CFAP97: variants seen among roughly 807,000 people sequenced by gnomAD.
The protein encoded by CFAP97 is cilia and flagella associated protein 97.
In CFAP97, 36 loss-of-function variants were observed where a neutral mutation model predicts 43.1. The observed-to-expected ratio is 0.84, with a 90% CI of 0.64 to 1.10. The LOEUF (loss-of-function observed/expected upper bound fraction) is 1.10, where lower values mean the gene tolerates loss of function less well. CFAP97 is among the 50% of genes least tolerant of loss of function. CFAP97 has a pLI of 0.00. For missense variants in CFAP97, 657 were observed against 620.3 expected, an observed-to-expected ratio of 1.06 and a Z score of -0.63; for synonymous variants, 228 against 225.7, an observed-to-expected ratio of 1.01 and a Z score of -0.09.
intron 4 of CFAP97, among the ~76,000 whole-genome samples, chr4:185,163,228 A>T (rs1449912224): frequency 6.6e-6 from 1 of 152,168 alleles, no homozygotes. Context: ...CAAATAACTT[A>T]CTACATTTAG....
At chr4:185,185,784 CACA>C (rs1735984904) in intron 2 of CFAP97, among the ~76,000 whole-genome samples, 1 of 151,910 alleles carries the variant, frequency 6.6e-6, no homozygotes, top group Non-Finnish European at 1.5e-5. Flanking sequence ...ACTACAGTAG[CACA>C]CACCACCATG....
upstream of CFAP97, among the ~76,000 whole-genome samples, chr4:185,205,808 G>T (rs563264523): frequency 6.6e-6 from 1 of 152,112 alleles, no homozygotes; most frequent in Admixed American, 6.6e-5. Flanking sequence ...CAGCCTGGGC[G>T]ACAGAGCAAG....
rs576504225 is a variant in CFAP97, at chr4:185,191,265, A to G, written c.-16-53T>C. 4.2e-6 allele frequency: 5 copies of G among 1,204,204 alleles called. No homozygotes were observed. In the South Asian group the frequency reaches 8.9e-5, roughly 21 times the overall value. 74.6% of individuals were successfully genotyped at this position (1,204,204 alleles called of 1,614,324 possible). The stretch of plus-strand genomic sequence containing the variant: ...AAAGAGTGATTTCCAAATACTTTCC[A>G]TTTGTATACAATAATTAAATAATTT... On this transcript the variant is annotated intron_variant, in intron 1 of 4. Transcript: ENST00000458385.
At chr4:185,204,873 C>T (rs1018370767), upstream of CFAP97, among the ~76,000 whole-genome samples, 19 of 152,224 alleles carry the variant, frequency 1.2e-4, no homozygotes, top group Admixed American at 1.1e-3. Flanking sequence ...GAACTAGAGC[C>T]TGCAAATTTT....
chr4:185,197,136 A>C (rs1736591631), intron 1 of CFAP97, among the ~76,000 whole-genome samples: 2 of 149,176 alleles, frequency 1.3e-5, no homozygotes, highest in Non-Finnish European at 3.0e-5. Context: ...CATGTAGCTT[A>C]AATTACAAAT....
In CFAP97 at chr4:185,162,591, C is replaced by G. The variant is rs1734909737; in HGVS notation, c.*207G>C. Reference sequence around the variant, plus strand: ...TTCTCTATTAAGAACACATACATCTCATATAAATACATCCTCAGGAAACAC... The same window carrying G: ...TTCTCTATTAAGAACACATACATCTGATATAAATACATCCTCAGGAAACAC... On this transcript the variant is annotated 3_prime_UTR_variant, in exon 5 of 5. Coordinates refer to ENST00000458385, the MANE Select transcript of CFAP97 (RefSeq NM_020827.3). 2 of 563,476 alleles carry G rather than the reference C, an allele frequency of 3.5e-6. No individual in the cohort carries two copies. Among genetic ancestry groups the G allele is most frequent in the South Asian group, 4.1e-5 (2 of 49,244 alleles). 34.9% of individuals were successfully genotyped at this position (563,476 alleles called of 1,614,324 possible). A position where few individuals can be genotyped will look rare whatever the true frequency, so the allele number is the denominator to read the frequency against.
rs1737358653 is a variant in CFAP97 at position 185,209,329 on chromosome 4, G to A, written c.-78C>T. ...GAGGGAGAATTACGGGATCACCTGA[G>A]CTCAGGAATTACCAGCGCCGCTGAC... On this transcript the variant is annotated 5_prime_UTR_variant, in exon 1 of 3. Coordinates refer to the CFAP97 transcript ENST00000503223. The surrounding 1 kb of genome is among the most constrained non-coding windows in gnomAD (Gnocchi z 5.2). The A allele has an allele frequency of 6.6e-6, 1 of 152,382 alleles. No individual in the cohort carries two copies. The highest frequency in any genetic ancestry group is 6.5e-5 in the Admixed American group (1 of 15,290). The allele number at this position is 152,382 out of a possible 1,614,324, so 9.4% of individuals were successfully genotyped here. A position where few individuals can be genotyped will look rare whatever the true frequency, so the allele number is the denominator to read the frequency against.
chr4:185,190,568 T>C lies in CFAP97; in HGVS notation c.629A>G (p.His210Arg), dbSNP rs1460603515. Reference protein sequence around the residue: ...SSPSSKSSKKHVSGITLLSPK... With the variant: ...SSPSSKSSKKRVSGITLLSPK... ...TGACAGGAGGGTTATACCAGATACA[T>C]GTTTCTTAGATGACTTAGATGACGG... is the stretch of plus-strand genomic sequence containing the variant. Residue 210 changes from histidine (H) to arginine (R), a missense_variant, in exon 2 of 5, where the codon CAT becomes CGT. By Grantham distance (29) the His-to-Arg change is conservative (BLOSUM62 0). Transcript: ENST00000458385. 2 of 1,613,912 alleles carry C rather than the reference T, an allele frequency of 1.2e-6. No homozygotes were observed. Among genetic ancestry groups the C allele is most frequent in the East Asian group, 2.2e-5 (1 of 44,878 alleles).
rs183777861 is a variant in CFAP97 at position 185,188,334 on chromosome 4, T to C, written c.1054+1809A>G. ...CCACACCTGGCTTCATATATATATATACACATATATACATTTTTTTTTTTT... is the reference window on the plus strand; with the variant it reads ...CCACACCTGGCTTCATATATATATACACACATATATACATTTTTTTTTTTT... On this transcript the variant is annotated intron_variant, in intron 2 of 4. Coordinates refer to ENST00000458385, the MANE Select transcript of CFAP97 (RefSeq NM_020827.3). 2.7e-3 allele frequency among the ~76,000 whole-genome samples: 401 copies of C among 150,636 alleles called. 2 individuals carry two copies. The highest frequency in any genetic ancestry group is 4.3e-3 in the Non-Finnish European group (293 of 67,628).
rs546564830 is a variant in CFAP97 at position 185,164,058 on chromosome 4, C to T, written c.1442G>A (p.Arg481Lys). ...LNSSPLSRRARSTLGQYSPLR... is the reference protein window; with the variant it reads ...LNSSPLSRRAKSTLGQYSPLR... ...TGGGCTATATTGGCCAAGAGTGGAT[C>T]TGGCCCGTCTTGACAATGGTGATGA... is the stretch of plus-strand genomic sequence containing the variant. The change falls in exon 4 of 5, where the codon AGA (arginine) becomes AAA (lysine). Residue 481 changes from arginine (R) to lysine (K), a missense_variant. Coordinates refer to ENST00000458385, the MANE Select transcript of CFAP97 (RefSeq NM_020827.3). 1 of 1,613,954 alleles carries T rather than the reference C, an allele frequency of 6.2e-7. No individual in the cohort carries two copies. Among genetic ancestry groups the T allele is most frequent in the Non-Finnish European group, 8.5e-7 (1 of 1,179,860 alleles).
At chr4:185,180,155 T>G (rs1049744431) in intron 2 of CFAP97, among the ~76,000 whole-genome samples, 2 of 152,190 alleles carry the variant, frequency 1.3e-5, no homozygotes, top group South Asian at 4.1e-4. Context: ...CTTTTTAGGC[T>G]GAATGTTGTT....
At chr4:185,181,213 T>G (rs1735767003) in intron 2 of CFAP97, among the ~76,000 whole-genome samples, 1 of 150,356 alleles carries the variant, frequency 6.7e-6, no homozygotes, top group African/African-American at 2.4e-5. Context: ...AAGGCGGAGG[T>G]TGCACTACTG....
chr4:185,204,869 G>A (rs1311172432), upstream of CFAP97, among the ~76,000 whole-genome samples: 4 of 152,190 alleles, frequency 2.6e-5, no homozygotes, highest in Non-Finnish European at 5.9e-5. Flanking sequence ...GAAGGAACTA[G>A]AGCCTGCAAA....
chr4:185,204,665 AGATTAACCAG>A (rs1172100315), upstream of CFAP97, among the ~76,000 whole-genome samples: 1 of 152,226 alleles, frequency 6.6e-6, no homozygotes, highest in Non-Finnish European at 1.5e-5. Flanking sequence ...CAAAATGGGA[AGATTAACCAG>A]GATTATCCAG....
At chr4:185,197,573 A>G (rs1479681122) in intron 1 of CFAP97, among the ~76,000 whole-genome samples, 2 of 151,958 alleles carry the variant, frequency 1.3e-5, no homozygotes, top group Admixed American at 1.3e-4. Context: ...AATTACAGGC[A>G]CGTGCCACCA....
chr4:185,168,866 T>A (rs4862516), intron 3 of CFAP97, among the ~76,000 whole-genome samples: 63,296 of 150,784 alleles, frequency 0.42, 13,376 homozygotes, highest in Middle Eastern at 0.57. Flanking sequence ...CAAGCCGAGA[T>A]CGTGCCACTG....
chr4:185,175,763 G>T, intron 3 of CFAP97, 23 bp downstream of exon 3: 1 of 1,602,206 alleles, frequency 6.2e-7, no homozygotes, highest in South Asian at 1.1e-5. Flanking sequence ...TTTCTTTGAT[G>T]ACTAATTATT....
intron 2 of CFAP97, among the ~76,000 whole-genome samples, chr4:185,189,107 C>T (rs183482917): frequency 6.6e-6 from 1 of 152,060 alleles, no homozygotes; most frequent in Admixed American, 6.6e-5. Context: ...TGTGGTGGGG[C>T]ATGACTGTGG....
chr4:185,176,948 GGT>G (rs1200627821), intron 2 of CFAP97, among the ~76,000 whole-genome samples: 13 of 152,074 alleles, frequency 8.5e-5, no homozygotes, highest in Non-Finnish European at 1.8e-4. Context: ...TAAACAGAAA[GGT>G]GTTTTTAGCT....
Sources: gnomAD v4.1 joint callset for allele counts (sites outside exome capture counted in the v4.1 genomes callset) on GRCh38, gnomAD v4.1.1 for gene constraint, Gnocchi (gnomAD v3.1) non-coding constraint, MANE v1.5 for transcripts, NCBI Gene and HGNC (gene_info 2026-07-23, HGNC 2026-07-21) for gene names.